ZNF398: variants seen among roughly 807,000 people sequenced by gnomAD.
The protein encoded by ZNF398 is zinc finger protein 398, also known as zinc finger DNA binding protein ZER6.
Under a neutral mutation model 41.9 loss-of-function variants are expected in ZNF398, and 18 were observed. That is an observed-to-expected ratio of 0.43 (90% CI 0.30 to 0.64). ZNF398 has a LOEUF of 0.64. Among genes scored for constraint, ZNF398 ranks in the 30% least tolerant of loss-of-function variants. The pLI, the probability that ZNF398 is intolerant of heterozygous loss-of-function variation, is 0.14. For synonymous variants in ZNF398, 260 were observed against 308.8 expected, an observed-to-expected ratio of 0.84 and a Z score of 1.66; for missense variants, 669 against 822.8, an observed-to-expected ratio of 0.81 and a Z score of 2.29.
intron 2 of ZNF398, among the ~76,000 whole-genome samples, chr7:149,137,224 ATT>A (rs1272373894): frequency 6.6e-6 from 1 of 151,934 alleles, no homozygotes; most frequent in African/African-American, 2.4e-5. Flanking sequence ...GTGTGGGTTT[ATT>A]TTTAGATTCT....
At chr7:149,133,667 ATATATATATATACATATATATGTGTG>A (rs1354676421) in intron 2 of ZNF398, among the ~76,000 whole-genome samples, 4 of 49,056 alleles carry the variant, frequency 8.2e-5, no homozygotes, top group East Asian at 1.1e-3. Context: ...ATATATATAT[ATATATATATATACATATATATGTGTG>A]TATATATATA....
intron 2 of ZNF398, among the ~76,000 whole-genome samples, chr7:149,155,509 G>A (rs186287993): frequency 6.6e-6 from 1 of 151,944 alleles, no homozygotes; most frequent in Non-Finnish European, 1.5e-5. Context: ...GGTCCAGGAT[G>A]GAGCTTAAGC....
chr7:149,155,730 A>C (rs199600652), intron 2 of ZNF398, among the ~76,000 whole-genome samples: 1 of 92,392 alleles, frequency 1.1e-5, no homozygotes, highest in Non-Finnish European at 2.0e-5. Flanking sequence ...TTTTTTTTTT[A>C]ATTTTTTTTT....
At chr7:149,168,885 G>A (rs1330828069) in intron 4 of ZNF398, among the ~76,000 whole-genome samples, 2 of 152,108 alleles carry the variant, frequency 1.3e-5, no homozygotes, top group Non-Finnish European at 2.9e-5. Context: ...GTAGGTGATT[G>A]CATTTAGTCA....
chr7:149,154,172 A>T lies in ZNF398; in HGVS notation c.252A>T (p.Thr84=). The T allele has an allele frequency of 6.2e-7, 1 of 1,614,172 alleles. No homozygotes were observed. The highest frequency in any genetic ancestry group is 8.5e-7 in the Non-Finnish European group (1 of 1,180,036). ...AGAAACTAGCCAGCTGTGAAAAGAC[A>T]GTTACCGAGCTTGGGAACCAGCTGG... ...AEKKLASCEK[T]VTELGNQLEG... The change falls in exon 2 of 6, where the codon ACA becomes ACT. Residue 84 remains threonine, a synonymous_variant. Coordinates refer to ENST00000475153, the MANE Select transcript of ZNF398 (RefSeq NM_170686.3).
intron 2 of ZNF398, among the ~76,000 whole-genome samples, chr7:149,163,105 T>G (rs1256233307): frequency 1.3e-5 from 2 of 152,186 alleles, no homozygotes; most frequent in African/African-American, 4.8e-5. Flanking sequence ...GCAGTTACAG[T>G]CAGGTCCCAG....
chr7:149,175,678 T>TTTTG (rs563324494), intron 4 of ZNF398, among the ~76,000 whole-genome samples: 3 of 152,208 alleles, frequency 2.0e-5, no homozygotes, highest in Non-Finnish European at 2.9e-5. Context: ...TTGATTTGTT[T>TTTTG]TTTGTTTGTT....
intron 4 of ZNF398, among the ~76,000 whole-genome samples, chr7:149,167,231 TC>T (rs1309815731): frequency 2.0e-5 from 3 of 152,202 alleles, no homozygotes; most frequent in Non-Finnish European, 1.5e-5. Flanking sequence ...GTCATGCTCA[TC>T]TGGACTAAAT....
At chr7:149,135,383 CTG>C in intron 2 of ZNF398, among the ~76,000 whole-genome samples, 1 of 96,392 alleles carries the variant, frequency 1.0e-5, no homozygotes, top group East Asian at 2.6e-4. Context: ...GAGCAAGACT[CTG>C]TCTCAAAAAA....
At chr7:149,153,463 C>T (rs1794903898) in intron 1 of ZNF398, among the ~76,000 whole-genome samples, 1 of 152,156 alleles carries the variant, frequency 6.6e-6, no homozygotes, top group Admixed American at 6.6e-5. Context: ...CTGAAAACAG[C>T]TCTCATGTTT....
intron 1 of ZNF398, among the ~76,000 whole-genome samples, chr7:149,128,556 G>A (rs112907613): frequency 0.063 from 9,616 of 151,880 alleles, 346 homozygotes; most frequent in African/African-American, 0.077. Context: ...AGACCAGCCT[G>A]GGCAACATGG....
chr7:149,175,306 A>G (rs758858167), intron 4 of ZNF398, among the ~76,000 whole-genome samples: 2 of 152,020 alleles, frequency 1.3e-5, no homozygotes, highest in South Asian at 2.1e-4. Context: ...GAGCTTGACA[A>G]GCTCTCTTGT....
At chr7:149,143,640 C>G (rs1370480791), upstream of ZNF398, among the ~76,000 whole-genome samples, 1 of 152,090 alleles carries the variant, frequency 6.6e-6, no homozygotes, top group African/African-American at 2.4e-5. Flanking sequence ...ATGGTGATAC[C>G]TCGTCTCTAC....
At position 149,147,917 on chromosome 7, in the gene ZNF398, C is replaced by A; in HGVS notation, c.24+151C>A. On this transcript the variant is annotated intron_variant, in intron 1 of 5. Transcript: ENST00000475153. The surrounding 1 kb of genome is among the most constrained non-coding windows in gnomAD (Gnocchi z 5.6). ...CGCCCGTGCTTGGCGGCTGCAGCCT[C>A]GCGTGAGGGGACTTAGCGGGTGGGT... is the stretch of plus-strand genomic sequence containing the variant. 9.8e-7 allele frequency: 1 copy of A among 1,024,772 alleles called. No homozygotes were observed. The highest frequency in any genetic ancestry group is 1.3e-6 in the Non-Finnish European group (1 of 786,300). The allele number at this position is 1,024,772 out of a possible 1,614,324, so 63.5% of individuals were successfully genotyped here. A position where few individuals can be genotyped will look rare whatever the true frequency, so the allele number is the denominator to read the frequency against.
intron 2 of ZNF398, among the ~76,000 whole-genome samples, chr7:149,130,177 C>T (rs1425830922): frequency 6.6e-6 from 1 of 152,302 alleles, no homozygotes; most frequent in African/African-American, 2.4e-5. Flanking sequence ...CTCACTGCAA[C>T]CTCCACCTCT....
At chr7:149,163,202 G>T (rs200650487) in intron 2 of ZNF398, among the ~76,000 whole-genome samples, 14 of 130,266 alleles carry the variant, frequency 1.1e-4, no homozygotes, top group South Asian at 2.3e-4. Context: ...TGTTTTGTTT[G>T]TTTGTTTGTT....
At chr7:149,135,216 C>T (rs1826683805) in intron 2 of ZNF398, among the ~76,000 whole-genome samples, 2 of 151,158 alleles carry the variant, frequency 1.3e-5, no homozygotes, top group South Asian at 2.1e-4. Context: ...GGTGAAACCC[C>T]GTCTCTACTA....
At chr7:149,150,620 C>A (rs1367646948) in intron 1 of ZNF398, among the ~76,000 whole-genome samples, 2 of 152,082 alleles carry the variant, frequency 1.3e-5, no homozygotes, top group Non-Finnish European at 2.9e-5. Context: ...CAAAACCCAA[C>A]AGAATCTCAG....
At chr7:149,136,985 G>T (rs948590893) in intron 2 of ZNF398, among the ~76,000 whole-genome samples, 3 of 151,250 alleles carry the variant, frequency 2.0e-5, no homozygotes, top group Non-Finnish European at 2.9e-5. Context: ...TCTTGCCTCA[G>T]CCTCCCAAGT....
Sources: allele counts gnomAD v4.1 joint callset (sites outside exome capture counted in the v4.1 genomes callset), GRCh38; gene constraint gnomAD v4.1.1; non-coding constraint Gnocchi (gnomAD v3.1); transcripts MANE v1.5; gene names NCBI Gene and HGNC (gene_info 2026-07-23, HGNC 2026-07-21).